The following KMT2C variants were observed in gnomAD, a reference collection of about 807,000 sequenced individuals.
KMT2C encodes the protein histone-lysine N-methyltransferase 2C.
Under a neutral mutation model 507.9 loss-of-function variants are expected in KMT2C, and 88 were observed. The observed-to-expected ratio is 0.17, with a 90% confidence interval of 0.15 to 0.21. KMT2C has a LOEUF of 0.21. Among genes scored for constraint, KMT2C ranks in the 10% least tolerant of loss-of-function variants. The pLI, the probability that KMT2C is intolerant of heterozygous loss-of-function variation, is 1.00. For missense variants in KMT2C, 4,954 were observed against 5,957.8 expected (o/e 0.83, Z 5.55); for synonymous variants, 2,049 against 2,080.8 (o/e 0.98, Z 0.42).
At chr7:152,329,719 G>A (rs918241079) in intron 3 of KMT2C, among the ~76,000 whole-genome samples, 1 of 151,560 alleles carries the variant, frequency 6.6e-6, no homozygotes, top group African/African-American at 2.4e-5. Context: ...AGGGAAAGAA[G>A]GGAGGGAGAC....
Position 152,162,970 on chromosome 7 carries a change from T to C in KMT2C, c.10607A>G (p.His3536Arg), listed in dbSNP as rs2092536686. The C allele has an allele frequency of 1.2e-6, 2 of 1,614,196 alleles. No homozygotes were observed. The highest frequency in any genetic ancestry group is 1.3e-5 in the African/African-American group (1 of 75,058). The change falls in exon 43 of 59, where the codon CAT becomes CGT. Residue 3536 changes from histidine to arginine, a missense_variant. This residue lies in a region of KMT2C where 801 missense variants were observed against 751.2 expected (regional missense o/e 1.07). Coordinates refer to ENST00000262189, the MANE Select transcript of KMT2C (RefSeq NM_170606.3). ...GAAGCTGGTCCCAGAAAGATTTCCA[T>C]GTCCCTGCTTCACAGAAGAAAAATT... is the stretch of plus-strand genomic sequence containing the variant. ...SPNFSSVKQGHGNLSGTSFQQ... is the reference protein window; with the variant it reads ...SPNFSSVKQGRGNLSGTSFQQ...
At chr7:152,194,320 A>G in intron 29 of KMT2C, 59 bp from the exon 30 acceptor site, 1 of 1,340,536 alleles carries the variant, frequency 7.5e-7, no homozygotes, top group East Asian at 2.4e-5. Context: ...ATATACTGAT[A>G]TAAAATAGTA....
At chr7:152,364,048 A>G (rs1159595371) in intron 1 of KMT2C, among the ~76,000 whole-genome samples, 73 of 152,242 alleles carry the variant, frequency 4.8e-4, no homozygotes, top group Non-Finnish European at 2.9e-5. Context: ...AATGAGCCAC[A>G]GAACAAATGC....
rs1293662212 is a variant in KMT2C at position 152,263,034 on chromosome 7, G to T, written c.1281C>A (p.Thr427=). ...AACTTACTTTGCATTTCCAGCCATT[G>T]GTTGGTACTGATTTCATAACTGGTT... ...CLQPVMKSVP[T]NGWKCKNCRI... Residue 427 remains threonine, a synonymous_variant, in exon 9 of 59, where the codon ACC becomes ACA. Coordinates refer to ENST00000262189, the MANE Select transcript of KMT2C (RefSeq NM_170606.3). 2.5e-6 allele frequency: 4 copies of T among 1,611,102 alleles called. No individual in the cohort carries two copies. In the East Asian group the frequency reaches 8.9e-5, roughly 36 times the overall value.
chr7:152,405,261 C>CTTTTTTT (rs5888467), intron 1 of KMT2C, among the ~76,000 whole-genome samples: 1 of 151,976 alleles, frequency 6.6e-6, no homozygotes. Context: ...TTTAACTTCA[C>CTTTTTTT]TTTTTTTTTT....
chr7:152,218,476 T>C (rs1443089732), intron 23 of KMT2C, among the ~76,000 whole-genome samples: 1 of 151,936 alleles, frequency 6.6e-6, no homozygotes, highest in Non-Finnish European at 1.5e-5. Flanking sequence ...CGGCCACAAA[T>C]GACATACCTT....
At chr7:152,207,758 G>A (rs1391513780) in intron 23 of KMT2C, among the ~76,000 whole-genome samples, 1 of 152,098 alleles carries the variant, frequency 6.6e-6, no homozygotes, top group East Asian at 1.9e-4. Flanking sequence ...ACTCTCTTCT[G>A]AGCTTCAACC....
chr7:152,226,218 C>CAT lies in KMT2C; in HGVS notation c.2977-1603_2977-1602insAT, dbSNP rs1563479395. Among the ~76,000 whole-genome samples the CAT allele has an allele frequency of 5.0e-3, 634 of 127,990 alleles. 25 individuals are homozygous for CAT. Among genetic ancestry groups the CAT allele is most frequent in the African/African-American group, 0.019 (591 of 30,978 alleles). 84.0% of individuals were successfully genotyped at this position (127,990 alleles called of 152,430 possible). A position where few individuals can be genotyped will look rare whatever the true frequency, so the allele number is the denominator to read the frequency against. ...CAAGAGTTGGTTGTTCATTACAAGG[C>CAT]CTTTTTTTTTTTTTTTTTTTTTTTT... On this transcript the variant is annotated intron_variant, in intron 18 of 58. Transcript: ENST00000262189.
At chr7:152,307,718 T>C (rs1404413754) in intron 6 of KMT2C, among the ~76,000 whole-genome samples, 2 of 152,176 alleles carry the variant, frequency 1.3e-5, no homozygotes, top group Non-Finnish European at 2.9e-5. Flanking sequence ...AGAACAAAAA[T>C]GGTAACTTCT....
At chr7:152,262,942 T>G in intron 9 of KMT2C, 74 bp downstream of exon 9, 1 of 1,044,942 alleles carries the variant, frequency 9.6e-7, no homozygotes, top group South Asian at 1.5e-5. Flanking sequence ...CAGATTTGAA[T>G]AGGTATCCGA....
At chr7:152,335,079 T>G (rs1326479948) in intron 2 of KMT2C, among the ~76,000 whole-genome samples, 1 of 152,226 alleles carries the variant, frequency 6.6e-6, no homozygotes, top group Non-Finnish European at 1.5e-5. Context: ...AATATAGCTA[T>G]GACCTACAAC....
chr7:152,324,013 T>C (rs1340009306), intron 3 of KMT2C, among the ~76,000 whole-genome samples: 2 of 151,738 alleles, frequency 1.3e-5, no homozygotes, highest in African/African-American at 4.8e-5. Context: ...AGAGTGATGG[T>C]AACCAGACAC....
At chr7:152,151,340 C>T in intron 50 of KMT2C, 102 bp downstream of exon 50, 2 of 1,253,196 alleles carry the variant, frequency 1.6e-6, no homozygotes, top group Non-Finnish European at 2.2e-6. Context: ...GTGTCCATCA[C>T]ACCACCATAA....
rs2093152852 is a variant in KMT2C, at chr7:152,175,321, TA to T, written c.9262+869del. 7.9e-5 allele frequency among the ~76,000 whole-genome samples: 12 copies of T among 152,136 alleles called. No individual in the cohort carries two copies. In the South Asian group the frequency reaches 2.5e-3, roughly 32 times the overall value. On this transcript the variant is annotated intron_variant, in intron 38 of 58. Coordinates refer to ENST00000262189, the MANE Select transcript of KMT2C (RefSeq NM_170606.3). ...CTGCTATGCCCAGCTAATTTTTTGT[TA>T]TTTTTTTTTAATTATTATACTTTAA...
At chr7:152,185,462 T>G in intron 34 of KMT2C, 96 bp downstream of exon 34, 1 of 883,536 alleles carries the variant, frequency 1.1e-6, no homozygotes, top group Non-Finnish European at 1.8e-6. Flanking sequence ...AACAAGCATT[T>G]TCTGAAATGG....
rs2129121179 is a variant in KMT2C at position 152,182,587 on chromosome 7, C to T, written c.5273G>A (p.Arg1758His). Residue 1758 changes from arginine (R) to histidine (H), a missense_variant, in exon 36 of 59, where the codon CGT becomes CAT. By Grantham distance (29) the Arg-to-His change is conservative. Around this residue, in one of 29 missense-constraint regions of KMT2C, gnomAD observed 16 missense variants for 42.6 expected, o/e 0.38. Coordinates refer to ENST00000262189, the MANE Select transcript of KMT2C (RefSeq NM_170606.3). ...TTTAGCTTGCTGCTTACTTTTCTGA[C>T]GCATTTGCTATTAAAATAGAAAAGA... Reference protein sequence around the residue: ...EQEWKFRQQMRQKSKQQAKIE... With the variant: ...EQEWKFRQQMHQKSKQQAKIE... 4 of 1,561,836 alleles carry T rather than the reference C, an allele frequency of 2.6e-6. No individual in the cohort carries two copies. Among genetic ancestry groups the T allele is most frequent in the Non-Finnish European group, 3.5e-6 (4 of 1,153,784 alleles).
chr7:152,324,002 T>C (rs2096799764), intron 3 of KMT2C, among the ~76,000 whole-genome samples: 1 of 151,530 alleles, frequency 6.6e-6, no homozygotes, highest in African/African-American at 2.4e-5. Flanking sequence ...GAACCAGTAG[T>C]AGAGTGATGG....
At chr7:152,393,350 T>C (rs996990739) in intron 1 of KMT2C, among the ~76,000 whole-genome samples, 1 of 152,196 alleles carries the variant, frequency 6.6e-6, no homozygotes, top group Non-Finnish European at 1.5e-5. Context: ...CCAAAATATT[T>C]AGAATCTAGA....
chr7:152,422,797 G>T (rs1308102331), intron 1 of KMT2C, among the ~76,000 whole-genome samples: 2 of 152,094 alleles, frequency 1.3e-5, no homozygotes, highest in Non-Finnish European at 2.9e-5. Context: ...GCCAAGGCAG[G>T]CAGATCACGA....
Sources: allele counts gnomAD v4.1 joint callset (sites outside exome capture counted in the v4.1 genomes callset), GRCh38; gene constraint gnomAD v4.1.1; regional missense constraint gnomAD v4.1.1; transcripts MANE v1.5; gene names NCBI Gene and HGNC (gene_info 2026-07-23, HGNC 2026-07-21).